The following ZBTB16 variants were observed in gnomAD, a reference collection of about 807,000 sequenced individuals.
ZBTB16 encodes zinc finger and BTB domain-containing protein 16.
A neutral mutation model predicts 56.8 loss-of-function variants in ZBTB16; 8 were observed. The ratio of observed to expected loss-of-function variants is 0.14; its 90% CI spans 0.08 to 0.25. The LOEUF (loss-of-function observed/expected upper bound fraction) is 0.25, where lower values mean the gene tolerates loss of function less well. ZBTB16 is among the 10% of genes least tolerant of loss of function. The pLI, the probability that ZBTB16 is intolerant of heterozygous loss-of-function variation, is 1.00. For missense variants in ZBTB16, 625 were observed against 903.0 expected (o/e 0.69, Z 3.95); for synonymous variants, 363 against 368.5 (o/e 0.98, Z 0.17).
intron 2 of ZBTB16, among the ~76,000 whole-genome samples, chr11:114,072,245 CA>C (rs1241899079): frequency 1.7e-4 from 26 of 152,354 alleles, no homozygotes; most frequent in African/African-American, 6.0e-4. Context: ...GGGGCTGAGA[CA>C]TTGCTTCTGC....
chr11:114,227,145 G>T (rs1944342222), intron 4 of ZBTB16, among the ~76,000 whole-genome samples: 1 of 152,174 alleles, frequency 6.6e-6, no homozygotes, highest in Non-Finnish European at 1.5e-5. Flanking sequence ...GCAGCAAGGC[G>T]ATACTGCTTT....
intron 2 of ZBTB16, among the ~76,000 whole-genome samples, chr11:114,137,690 G>A (rs1410536622): frequency 2.0e-5 from 3 of 152,288 alleles, no homozygotes; most frequent in African/African-American, 7.2e-5. Flanking sequence ...CTCTATTACA[G>A]TTTATTTCAT....
chr11:114,218,632 A>G (rs1391463927), intron 4 of ZBTB16, among the ~76,000 whole-genome samples: 1 of 152,204 alleles, frequency 6.6e-6, no homozygotes, highest in South Asian at 2.1e-4. Context: ...CTAAATAAAC[A>G]CATATCAAAG....
At chr11:114,235,634 CTTTCTTTCTTTCTTT>C (rs1565701505) in intron 4 of ZBTB16, among the ~76,000 whole-genome samples, 29 of 20,532 alleles carry the variant, frequency 1.4e-3, no homozygotes, top group African/African-American at 3.0e-3. Flanking sequence ...CCCTTCCTTT[CTTTCTTTCTTTCTTT>C]CTTTCTTTCT....
chr11:114,159,941 G>GGT (rs1555145946), intron 3 of ZBTB16, among the ~76,000 whole-genome samples: 17 of 146,046 alleles, frequency 1.2e-4, no homozygotes, highest in Admixed American at 1.1e-3. Context: ...GGGAGGCGGG[G>GGT]GGGAGGCGAG....
At chr11:114,205,326 C>T (rs999875293) in intron 4 of ZBTB16, among the ~76,000 whole-genome samples, 8 of 151,484 alleles carry the variant, frequency 5.3e-5, no homozygotes, top group Non-Finnish European at 1.0e-4. Context: ...AGGAGAATGA[C>T]GTGAACCCGG....
intron 2 of ZBTB16, among the ~76,000 whole-genome samples, chr11:114,097,193 G>A (rs1425860643): frequency 6.6e-6 from 1 of 152,220 alleles, no homozygotes; most frequent in Non-Finnish European, 1.5e-5. Context: ...AAATAAGCTA[G>A]ATAGCAAAGG....
chr11:114,163,983 C>T (rs1422054796), intron 3 of ZBTB16, among the ~76,000 whole-genome samples: 3 of 152,218 alleles, frequency 2.0e-5, no homozygotes, highest in Non-Finnish European at 4.4e-5. Context: ...AAGTAGCAGT[C>T]TCCCTGTACT....
rs191154681 is a variant in ZBTB16, at chr11:114,080,434, C to T, written c.1268+15866C>T. ...GTGCTGAGCTGCACATGCTCGCTCT[C>T]GCTGGTGCTCCCTCTCTCTCTCTCT... On this transcript the variant is annotated intron_variant, in intron 2 of 6. Coordinates refer to ENST00000335953, the MANE Select transcript of ZBTB16 (RefSeq NM_006006.6). Among the ~76,000 whole-genome samples the T allele has an allele frequency of 2.4e-4, 37 of 152,222 alleles. No individual in the cohort carries two copies. The East Asian group carries it at 6.0e-3, about 25-fold the overall frequency.
At chr11:114,107,716 T>C (rs1052577813) in intron 2 of ZBTB16, among the ~76,000 whole-genome samples, 2 of 152,226 alleles carry the variant, frequency 1.3e-5, no homozygotes, top group Non-Finnish European at 2.9e-5. Context: ...ATGCATAATA[T>C]GTGTCTGATT....
intron 2 of ZBTB16, among the ~76,000 whole-genome samples, chr11:114,147,781 C>T (rs1212320040): frequency 6.6e-6 from 1 of 152,168 alleles, no homozygotes; most frequent in African/African-American, 2.4e-5. Flanking sequence ...TTACATCTGC[C>T]AGGTTTTTGT....
rs578017107 is a variant in ZBTB16 at position 114,064,262 on chromosome 11, A to G, written c.962A>G (p.Glu321Gly). The change falls in exon 2 of 7, where the codon GAG becomes GGG. Residue 321 changes from glutamate to glycine, a missense_variant. Around this residue, in one of 6 missense-constraint regions of ZBTB16, gnomAD observed 384 missense variants for 393.5 expected, o/e 0.98. Transcript: ENST00000335953. This position sits in a 1 kb window ranked among gnomAD's most constrained non-coding sequence, Gnocchi z 4.2. ...GGCCAGGCCCCCACTGGCCGACCTG[A>G]GCACCCAGCACCCCCGCCTGAGAAG... Reference protein sequence around the residue: ...EAGQAPTGRPEHPAPPPEKHL... With the variant: ...EAGQAPTGRPGHPAPPPEKHL... 25 of 1,613,980 alleles carry G rather than the reference A, an allele frequency of 1.5e-5. No homozygotes were observed. In the South Asian group the frequency reaches 2.2e-4, roughly 14 times the overall value.
rs1369950572 is a variant in ZBTB16, at chr11:114,074,968, G to A, written c.1268+10400G>A. Among the ~76,000 whole-genome samples the A allele has an allele frequency of 3.3e-5, 5 of 152,164 alleles. No homozygotes were observed. The South Asian group carries it at 6.2e-4, about 19-fold the overall frequency. ...GACTTAACCGTTTCCATGCCTGGAC[G>A]GCTGTGCAGTGACAGAGCCGTGTTG... On this transcript the variant is annotated intron_variant, in intron 2 of 6. Transcript: ENST00000335953.
At chr11:114,244,321 C>A (rs1349146046) in intron 5 of ZBTB16, among the ~76,000 whole-genome samples, 1 of 148,840 alleles carries the variant, frequency 6.7e-6, no homozygotes, top group Non-Finnish European at 1.5e-5. Context: ...ACGACAGACA[C>A]TGGGCTTGGC....
chr11:114,094,957 C>G (rs1940326219), intron 2 of ZBTB16, among the ~76,000 whole-genome samples: 1 of 152,242 alleles, frequency 6.6e-6, no homozygotes, highest in African/African-American at 2.4e-5. Flanking sequence ...GTGCTTCGCA[C>G]TGGGCTGCAG....
chr11:114,148,436 T>TC (rs373061678), intron 2 of ZBTB16, among the ~76,000 whole-genome samples: 4,491 of 43,038 alleles, frequency 0.1, 1,052 homozygotes, highest in Middle Eastern at 0.14. Flanking sequence ...TCTCTCTCTC[T>TC]TTCTCTCTCT....
chr11:114,230,967 A>G (rs1010554368), intron 4 of ZBTB16, among the ~76,000 whole-genome samples: 6 of 151,772 alleles, frequency 4.0e-5, no homozygotes, highest in African/African-American at 1.2e-4. Flanking sequence ...TTTACTGGAA[A>G]TTTTACATGA....
intron 4 of ZBTB16, among the ~76,000 whole-genome samples, chr11:114,233,137 T>TCTCA (rs1944494196): frequency 7.3e-6 from 1 of 136,888 alleles, no homozygotes; most frequent in African/African-American, 2.7e-5. Flanking sequence ...TCTCTCTCTC[T>TCTCA]CACACTCCCT....
intron 2 of ZBTB16, among the ~76,000 whole-genome samples, chr11:114,133,230 G>T (rs895471105): frequency 6.6e-6 from 1 of 152,032 alleles, no homozygotes; most frequent in African/African-American, 2.4e-5. Context: ...CAAAATGTGG[G>T]GGGTGCAGTT....
Sources: allele counts gnomAD v4.1 joint callset (sites outside exome capture counted in the v4.1 genomes callset), GRCh38; gene constraint gnomAD v4.1.1; regional missense constraint gnomAD v4.1.1; non-coding constraint Gnocchi (gnomAD v3.1); transcripts MANE v1.5; gene names NCBI Gene and HGNC (gene_info 2026-07-23, HGNC 2026-07-21).